SCN11A: variants seen among roughly 807,000 people sequenced by gnomAD.
SCN11A encodes the protein sodium channel protein type 11 subunit alpha.
SCN11A carries 122 observed loss-of-function variants against 162.2 expected under a neutral mutation model. That is an observed-to-expected ratio of 0.75 (90% CI 0.65 to 0.87). The LOEUF is 0.87. Ranked by LOEUF, SCN11A falls within the 40% of genes least tolerant of loss-of-function variation. The pLI, the probability that SCN11A is intolerant of heterozygous loss-of-function variation, is 0.00. For synonymous variants in SCN11A, 758 were observed against 751.5 expected (o/e 1.01, Z -0.14); for missense variants, 2,015 against 2,181.6 (o/e 0.92, Z 1.52).
intron 2 of SCN11A, among the ~76,000 whole-genome samples, chr3:39,018,916 T>C (rs2031370642): frequency 6.6e-6 from 1 of 152,228 alleles, no homozygotes; most frequent in Non-Finnish European, 1.5e-5. Flanking sequence ...AGATCTGATC[T>C]AGCCAAATGC....
chr3:38,961,063 C>A (rs2066736318), intron 2 of SCN11A, among the ~76,000 whole-genome samples: 1 of 152,142 alleles, frequency 6.6e-6, no homozygotes, highest in Non-Finnish European at 1.5e-5. Flanking sequence ...GCTATTGTCA[C>A]CTTCAGGAGA....
chr3:38,998,923 G>C (rs1364278309), intron 2 of SCN11A, among the ~76,000 whole-genome samples: 2 of 120,472 alleles, frequency 1.7e-5, no homozygotes, highest in Non-Finnish European at 3.4e-5. Context: ...GGGGGGAGGG[G>C]GGAGGGATAG....
rs1172383851 is a variant in SCN11A at position 38,847,123 on chromosome 3, A to C, written c.4947T>G (p.Phe1649Leu). Residue 1649 changes from phenylalanine (F) to leucine (L), a missense_variant, in exon 30 of 30, where the codon TTT becomes TTG. Physicochemically the swap from Phe to Leu is conservative, Grantham distance 22 (BLOSUM62 0). Coordinates refer to ENST00000302328, the MANE Select transcript of SCN11A (RefSeq NM_001349253.2). ...QFIKYSALSD[F>L]ADALPEPLRV... ...GCAAAGGCTCAGGCAAGGCATCAGC[A>C]AAGTCAGAAAGGGCAGAATATTTGA... 2 of 1,614,232 alleles carry C rather than the reference A, an allele frequency of 1.2e-6. No individual in the cohort carries two copies. The highest frequency in any genetic ancestry group is 2.2e-5 in the South Asian group (2 of 91,082).
intron 12 of SCN11A, among the ~76,000 whole-genome samples, chr3:38,909,555 T>C (rs1370489801): frequency 1.3e-5 from 2 of 151,730 alleles, no homozygotes; most frequent in Admixed American, 6.6e-5. Context: ...TTCTTCCAAA[T>C]ATTGCATTTA....
chr3:38,880,534 G>T (rs771482754), intron 22 of SCN11A, among the ~76,000 whole-genome samples: 1 of 152,202 alleles, frequency 6.6e-6, no homozygotes, highest in African/African-American at 2.4e-5. Flanking sequence ...TTAATTCAGT[G>T]TCTCTTTATT....
chr3:38,962,272 C>T (rs145745178), intron 2 of SCN11A, among the ~76,000 whole-genome samples: 2,412 of 152,196 alleles, frequency 0.016, 66 homozygotes, highest in African/African-American at 0.056. Flanking sequence ...GACTATGGCC[C>T]TATAGTATAA....
Position 39,029,627 on chromosome 3 carries a change from ATCT to A in SCN11A, c.-280+2750_-280+2752del, listed in dbSNP as rs1427454019. On this transcript the variant is annotated intron_variant, in intron 2 of 29. Coordinates refer to ENST00000302328, the MANE Select transcript of SCN11A (RefSeq NM_001349253.2). ...CTACATTTGGAACAGCATCTCTCAC[ATCT>A]TCTCCTGTCTTCCAGATGTTACTGA... Among the ~76,000 whole-genome samples, 4 of 152,226 alleles carry A rather than the reference ATCT, an allele frequency of 2.6e-5. No individual in the cohort carries two copies. In the East Asian group the frequency reaches 7.7e-4, roughly 29 times the overall value.
chr3:38,981,278 T>G (rs886545885), intron 2 of SCN11A, among the ~76,000 whole-genome samples: 1 of 152,184 alleles, frequency 6.6e-6, no homozygotes, highest in Non-Finnish European at 1.5e-5. Flanking sequence ...TTACGGAAAT[T>G]CTTATTATCC....
At chr3:38,923,977 A>G (rs1261569811) in intron 9 of SCN11A, among the ~76,000 whole-genome samples, 1 of 152,142 alleles carries the variant, frequency 6.6e-6, no homozygotes, top group African/African-American at 2.4e-5. Flanking sequence ...AGAATCCCAT[A>G]TGCTTCAGGA....
chr3:38,882,409 A>G (rs2065324239), intron 22 of SCN11A, among the ~76,000 whole-genome samples: 1 of 152,188 alleles, frequency 6.6e-6, no homozygotes, highest in South Asian at 2.1e-4. Flanking sequence ...CCAAACTCTC[A>G]TAACAAACTC....
At chr3:38,918,410 T>C (rs2065994175) in intron 11 of SCN11A, among the ~76,000 whole-genome samples, 1 of 152,210 alleles carries the variant, frequency 6.6e-6, no homozygotes, top group African/African-American at 2.4e-5. Flanking sequence ...GTGGTAAGCA[T>C]TAGATTTTCA....
Position 38,894,667 on chromosome 3 carries a change from T to G in SCN11A, c.2701A>C (p.Thr901Pro), listed in dbSNP as rs2065560632. ...ACGCCCAGGGTCTTTGGTACAGAGG[T>G]TAGTATACCAAGCTCCTCCTGGGTC... ...SETQEELGILTSVPKTLGVRH... is the reference protein window; with the variant it reads ...SETQEELGILPSVPKTLGVRH... The change falls in exon 19 of 30, where the codon ACC becomes CCC. Residue 901 changes from threonine to proline, a missense_variant. Thr to Pro is a conservative substitution (Grantham distance 38). Transcript: ENST00000302328. The G allele has an allele frequency of 6.2e-7, 1 of 1,613,972 alleles. No individual in the cohort carries two copies. The highest frequency in any genetic ancestry group is 1.3e-5 in the African/African-American group (1 of 74,964).
chr3:38,900,132 T>C, intron 16 of SCN11A, 59 bp from the exon 17 acceptor site: 1 of 1,361,812 alleles, frequency 7.3e-7, no homozygotes, highest in Non-Finnish European at 1.0e-6. Flanking sequence ...CTTTTAAGAA[T>C]GGCCCAAGGG....
rs547640370 is a variant in SCN11A, at chr3:38,845,775, C to T, written c.*919G>A. On this transcript the variant is annotated 3_prime_UTR_variant, in exon 30 of 30. Transcript: ENST00000302328. The stretch of plus-strand genomic sequence containing the variant: ...ATTAGTGTACTACCTGAAAGGAACA[C>T]AAACAGAAAGCTTTATTGAATTTAT... 5 of 147,648 alleles carry T rather than the reference C, an allele frequency of 3.4e-5. No individual in the cohort carries two copies. The highest frequency in any genetic ancestry group is 7.4e-5 in the Non-Finnish European group (5 of 67,318). The allele number at this position is 147,648 out of a possible 1,614,324, so 9.1% of individuals were successfully genotyped here. A position where few individuals can be genotyped will look rare whatever the true frequency, so the allele number is the denominator to read the frequency against.
At chr3:39,001,803 G>A (rs2030821633) in intron 2 of SCN11A, among the ~76,000 whole-genome samples, 1 of 152,152 alleles carries the variant, frequency 6.6e-6, no homozygotes. Context: ...GGGAGGCCAA[G>A]GTGGGCGGAT....
In SCN11A at chr3:38,867,445, G is replaced by A; in HGVS notation, c.3827C>T (p.Pro1276Leu). 6.2e-7 allele frequency: 1 copy of A among 1,603,162 alleles called. No individual in the cohort carries two copies. The highest frequency in any genetic ancestry group is 8.5e-7 in the Non-Finnish European group (1 of 1,176,750). ...AVDSTEKEQQ[P>L]EFESNSLGYI... The stretch of plus-strand genomic sequence containing the variant: ...ACCGAGTGAATTGCTCTCAAACTCT[G>A]GCTGTTGTTCTTTCTGTTAGAAATT... The change falls in exon 27 of 30, where the codon CCA (proline) becomes CTA (leucine). Residue 1276 changes from proline (P) to leucine (L), a missense_variant. Coordinates refer to ENST00000302328, the MANE Select transcript of SCN11A (RefSeq NM_001349253.2).
At chr3:38,905,063 G>T in intron 15 of SCN11A, 129 bp downstream of exon 15, 1 of 1,180,948 alleles carries the variant, frequency 8.5e-7, no homozygotes, top group Non-Finnish European at 1.2e-6. Flanking sequence ...GTCACTCTTT[G>T]CAGGATGGTA....
chr3:39,037,011 G>T (rs1559581909), intron 1 of SCN11A, among the ~76,000 whole-genome samples: 1 of 152,228 alleles, frequency 6.6e-6, no homozygotes, highest in African/African-American at 2.4e-5. Context: ...ATATTGAAGA[G>T]ATATCTGCAC....
At chr3:38,980,868 G>T (rs2125590372) in intron 2 of SCN11A, among the ~76,000 whole-genome samples, 1 of 152,270 alleles carries the variant, frequency 6.6e-6, no homozygotes, top group East Asian at 1.9e-4. Flanking sequence ...TTACTTACTG[G>T]GGGTGGAAGC....
Sources: gnomAD v4.1 joint callset for allele counts (sites outside exome capture counted in the v4.1 genomes callset) on GRCh38, gnomAD v4.1.1 for gene constraint, MANE v1.5 for transcripts, NCBI Gene and HGNC (gene_info 2026-07-23, HGNC 2026-07-21) for gene names.